The following BLTP1 variants were observed in gnomAD, a reference collection of about 807,000 sequenced individuals.
BLTP1 encodes bridge-like lipid transfer protein family member 1.
chr4:122,201,784 C>G, the BLTP1 span: 3 of 803,260 alleles, frequency 3.7e-6, no homozygotes, highest in Non-Finnish European at 4.5e-6. Flanking sequence ...GTTGGCTGTT[C>G]CACAGAAACC....
the BLTP1 span, chr4:122,348,542 A>G: frequency 6.4e-7 from 1 of 1,557,740 alleles, no homozygotes; most frequent in Non-Finnish European, 8.7e-7. Context: ...GTGAATGAAC[A>G]TGTATTTGAT....
At chr4:122,272,581 T>C in the BLTP1 span, among the ~76,000 whole-genome samples, 1 of 152,016 alleles carries the variant, frequency 6.6e-6, no homozygotes, top group Non-Finnish European at 1.5e-5. Flanking sequence ...TGAGTATCAG[T>C]GAATTGAGGC....
chr4:122,264,465 T>A, the BLTP1 span: 2 of 1,515,388 alleles, frequency 1.3e-6, no homozygotes, highest in East Asian at 2.4e-5. Flanking sequence ...TAATAATACC[T>A]CCTTAGGCAT....
At chr4:122,324,222 GGC>G in the BLTP1 span, among the ~76,000 whole-genome samples, 2 of 151,932 alleles carry the variant, frequency 1.3e-5, no homozygotes, top group Non-Finnish European at 2.9e-5. Flanking sequence ...GTCAGCTGGT[GGC>G]TCCTGTTTTC....
At chr4:122,209,384 C>T in the BLTP1 span, 1 of 1,588,824 alleles carries the variant, frequency 6.3e-7, no homozygotes, top group Non-Finnish European at 8.6e-7. Context: ...GTGGCTCACG[C>T]CTGTAATCCC....
chr4:122,193,587 G>A, the BLTP1 span: 4 of 595,346 alleles, frequency 6.7e-6, no homozygotes, highest in Non-Finnish European at 8.4e-6. Context: ...CAAAGAAGGG[G>A]ACATTTACCA....
At chr4:122,248,922 T>C in the BLTP1 span, 1 of 194,260 alleles carries the variant, frequency 5.1e-6, no homozygotes, top group Non-Finnish European at 9.4e-6. Flanking sequence ...TTATATTCAT[T>C]AGCAATAATC....
the BLTP1 span, chr4:122,256,811 AT>A: frequency 1.2e-5 from 6 of 505,296 alleles, no homozygotes; most frequent in Non-Finnish European, 1.3e-5. Flanking sequence ...ATAGTAATTT[AT>A]TTTTTTAAAT....
the BLTP1 span, among the ~76,000 whole-genome samples, chr4:122,357,992 A>G: frequency 1.3e-5 from 2 of 152,234 alleles, no homozygotes; most frequent in East Asian, 3.8e-4. Flanking sequence ...AAAATCAATA[A>G]TGATGGCTGG....
At chr4:122,243,972 G>A in the BLTP1 span, 1 of 1,611,674 alleles carries the variant, frequency 6.2e-7, no homozygotes, top group Non-Finnish European at 8.5e-7. Context: ...CATAGTTGAA[G>A]TAAAAGGAAC....
the BLTP1 span, chr4:122,250,953 T>C: frequency 3.0e-6 from 3 of 985,322 alleles, no homozygotes; most frequent in African/African-American, 1.7e-5. Context: ...TAAATATTTT[T>C]GTCAGTGTTT....
the BLTP1 span, chr4:122,226,877 A>G: frequency 5.5e-6 from 8 of 1,455,956 alleles, no homozygotes; most frequent in Non-Finnish European, 6.5e-6. Context: ...AACATTTATG[A>G]ATTTTAAAAA....
chr4:122,185,030 T>G, the BLTP1 span: 1 of 985,330 alleles, frequency 1.0e-6, no homozygotes, highest in Admixed American at 6.1e-5. Flanking sequence ...AAGAGAATGA[T>G]AGCAAAACGA....
At chr4:122,224,390 A>G in the BLTP1 span, 5 of 1,165,722 alleles carry the variant, frequency 4.3e-6, no homozygotes, top group African/African-American at 7.8e-5. Context: ...AACCTTATAG[A>G]TGGCATGAGT....
chr4:122,199,414 G>T, the BLTP1 span: 1 of 1,613,656 alleles, frequency 6.2e-7, no homozygotes, highest in Non-Finnish European at 8.5e-7. Flanking sequence ...CTACCAGCAT[G>T]CAATATCGGA....
the BLTP1 span, chr4:122,193,616 C>G: frequency 2.7e-6 from 2 of 730,640 alleles, no homozygotes; most frequent in Non-Finnish European, 3.3e-6. Flanking sequence ...GAGGGAGCAT[C>G]TAAGTTTTTA....
At chr4:122,349,802 A>T in the BLTP1 span, 1 of 1,587,876 alleles carries the variant, frequency 6.3e-7, no homozygotes, top group Non-Finnish European at 8.6e-7. This position sits in a 1 kb window ranked among gnomAD's most constrained non-coding sequence, Gnocchi z 4.5. Flanking sequence ...TGTTTCTTGT[A>T]CTTTTTGAGT....
the BLTP1 span, chr4:122,240,144 G>A: frequency 6.2e-7 from 1 of 1,614,106 alleles, no homozygotes; most frequent in African/African-American, 1.3e-5. Flanking sequence ...TGAGAAAACA[G>A]TGGAGAGTGA....
At chr4:122,256,204 G>T in the BLTP1 span, 1 of 977,992 alleles carries the variant, frequency 1.0e-6, no homozygotes, top group Non-Finnish European at 1.2e-6. Flanking sequence ...TCAAGCCATT[G>T]TTCAGGCAAG....
Sources: allele counts gnomAD v4.1 joint callset (sites outside exome capture counted in the v4.1 genomes callset), GRCh38; gene constraint gnomAD v4.1.1; non-coding constraint Gnocchi (gnomAD v3.1); transcripts MANE v1.5; gene names NCBI Gene and HGNC (gene_info 2026-07-23, HGNC 2026-07-21).